Variants in KATNIP observed in about 807,000 individuals in gnomAD.
KATNIP encodes the protein katanin-interacting protein.
A neutral mutation model predicts 174.0 loss-of-function variants in KATNIP; 126 were observed. The ratio of observed to expected loss-of-function variants is 0.72; its 90% CI spans 0.63 to 0.84. The LOEUF (loss-of-function observed/expected upper bound fraction) is 0.84, where lower values mean the gene tolerates loss of function less well. Ranked by LOEUF, KATNIP falls within the 40% of genes least tolerant of loss-of-function variation. KATNIP has a pLI of 0.00. For synonymous variants in KATNIP, 810 were observed against 835.7 expected (o/e 0.97, Z 0.53); for missense variants, 1,958 against 2,109.7 (o/e 0.93, Z 1.41).
chr16:27,656,971 G>T (rs2077315762), intron 6 of KATNIP, among the ~76,000 whole-genome samples: 1 of 151,844 alleles, frequency 6.6e-6, no homozygotes, highest in South Asian at 2.1e-4. Flanking sequence ...CACAATAAAG[G>T]CAGTGTGATG....
At chr16:27,763,600 G>A (rs1229013349) in intron 19 of KATNIP, among the ~76,000 whole-genome samples, 1 of 144,856 alleles carries the variant, frequency 6.9e-6, no homozygotes, top group Non-Finnish European at 1.5e-5. Context: ...GGGCAACAGA[G>A]CGGGACCCTG....
chr16:27,617,000 G>A (rs184258191), intron 2 of KATNIP, among the ~76,000 whole-genome samples: 4 of 150,126 alleles, frequency 2.7e-5, no homozygotes, highest in Admixed American at 6.7e-5. Context: ...AAAAGCACCC[G>A]GAGGAAGATA....
At chr16:27,764,819 CTCAG>C (rs2082069084) in intron 19 of KATNIP, among the ~76,000 whole-genome samples, 1 of 152,168 alleles carries the variant, frequency 6.6e-6, no homozygotes, top group Admixed American at 6.5e-5. Context: ...AGTGGTCATC[CTCAG>C]TCAGCTTAGT....
chr16:27,594,495 T>G (rs2075276650), intron 2 of KATNIP, among the ~76,000 whole-genome samples: 1 of 152,036 alleles, frequency 6.6e-6, no homozygotes, highest in African/African-American at 2.4e-5. Flanking sequence ...TACTTATTTC[T>G]TTGGTGACTT....
At chr16:27,653,049 T>C (rs1404584496) in intron 6 of KATNIP, among the ~76,000 whole-genome samples, 2 of 152,060 alleles carry the variant, frequency 1.3e-5, no homozygotes, top group Non-Finnish European at 2.9e-5. Flanking sequence ...CAAAAGTCCT[T>C]TCATAATCCC....
intron 5 of KATNIP, 26 bp downstream of exon 5, chr16:27,631,188 C>T (rs375338742): frequency 4.1e-5 from 62 of 1,510,344 alleles, no homozygotes; most frequent in South Asian, 1.3e-4. Context: ...CCCCAGCCCA[C>T]GCTTTAGAAT....
At chr16:27,563,931 G>A (rs1264588673) in intron 1 of KATNIP, among the ~76,000 whole-genome samples, 4 of 148,334 alleles carry the variant, frequency 2.7e-5, no homozygotes, top group Non-Finnish European at 1.5e-5. Flanking sequence ...GGCCATGATG[G>A]CACATACCTG....
At chr16:27,647,984 A>G (rs947257616) in intron 5 of KATNIP, among the ~76,000 whole-genome samples, 1 of 152,108 alleles carries the variant, frequency 6.6e-6, no homozygotes, top group Non-Finnish European at 1.5e-5. Context: ...AGCACCTACT[A>G]GAAGTCTACT....
chr16:27,597,211 A>G (rs2075362244), intron 2 of KATNIP, among the ~76,000 whole-genome samples: 1 of 151,832 alleles, frequency 6.6e-6, no homozygotes, highest in Non-Finnish European at 1.5e-5. Context: ...AAATAATATA[A>G]AAATTGTCAC....
chr16:27,556,030 A>G (rs950126167), intron 1 of KATNIP, among the ~76,000 whole-genome samples: 2 of 151,420 alleles, frequency 1.3e-5, no homozygotes, highest in Non-Finnish European at 2.9e-5. Flanking sequence ...CGGGAGGCTG[A>G]GGCAGAGAAT....
chr16:27,777,640 G>A lies in KATNIP; in HGVS notation c.4582G>A (p.Gly1528Arg). Reference sequence around the variant, plus strand: ...GGTGGACGACCTGCTTGTGTACAATGGGATCCTGGCCATGGTGAGCCACCT... The same window carrying A: ...GGTGGACGACCTGCTTGTGTACAATAGGATCCTGGCCATGGTGAGCCACCT... ...LLVDDLLVYN[G>R]ILAMVSHLVG... The change falls in exon 26 of 28, where the codon GGG becomes AGG. Residue 1528 changes from glycine (G) to arginine (R), a missense_variant. Around this residue, in one of 3 missense-constraint regions of KATNIP, gnomAD observed 383 missense variants for 456.0 expected, o/e 0.84. Transcript: ENST00000261588. This position sits in a 1 kb window ranked among gnomAD's most constrained non-coding sequence, Gnocchi z 4.4. 5 of 1,613,310 alleles carry A rather than the reference G, an allele frequency of 3.1e-6. No individual in the cohort carries two copies. Among genetic ancestry groups the A allele is most frequent in the Non-Finnish European group, 4.2e-6 (5 of 1,179,666 alleles).
chr16:27,603,482 G>A (rs969063967), intron 2 of KATNIP, among the ~76,000 whole-genome samples: 1 of 152,126 alleles, frequency 6.6e-6, no homozygotes, highest in Non-Finnish European at 1.5e-5. Flanking sequence ...TCTTACAAAG[G>A]TGATTTTACC....
intron 2 of KATNIP, among the ~76,000 whole-genome samples, chr16:27,598,480 C>T (rs904103491): frequency 6.6e-6 from 1 of 152,148 alleles, no homozygotes; most frequent in African/African-American, 2.4e-5. Context: ...AAGGAAGACT[C>T]AGGAGTTAAG....
At chr16:27,714,353 G>A (rs148452073) in intron 13 of KATNIP, among the ~76,000 whole-genome samples, 2,272 of 152,118 alleles carry the variant, frequency 0.015, 23 homozygotes, top group Non-Finnish European at 0.025. Flanking sequence ...ATAAAAATGT[G>A]CCATATATAT....
chr16:27,736,899 C>T (rs113321171), intron 14 of KATNIP, among the ~76,000 whole-genome samples: 9 of 152,142 alleles, frequency 5.9e-5, no homozygotes, highest in South Asian at 2.1e-4. Context: ...GCAGCACACG[C>T]GGGCAAGGAG....
chr16:27,638,835 ATTTTTT>A (rs35773237), intron 5 of KATNIP, among the ~76,000 whole-genome samples: 2 of 110,812 alleles, frequency 1.8e-5, no homozygotes, highest in Non-Finnish European at 3.5e-5. Flanking sequence ...GTCTTGCTGG[ATTTTTT>A]TTTTTTTTTT....
In KATNIP at chr16:27,740,353, A is replaced by G; in HGVS notation, c.2056A>G (p.Asn686Asp). 6.2e-7 allele frequency: 1 copy of G among 1,614,250 alleles called. No individual in the cohort carries two copies. The highest frequency in any genetic ancestry group is 1.3e-5 in the African/African-American group (1 of 75,068). The change falls in exon 15 of 28, where the codon AAT (asparagine) becomes GAT (aspartate). Residue 686 changes from asparagine to aspartate, a missense_variant. Asn to Asp is a conservative substitution (Grantham distance 23). This residue lies in a region of KATNIP where 1,557 missense variants were observed against 1,617.8 expected (regional missense o/e 0.96). Coordinates refer to ENST00000261588, the MANE Select transcript of KATNIP (RefSeq NM_015202.5). Reference protein sequence around the residue: ...NVSGKRKNSTNCRKDSLSQLE... With the variant: ...NVSGKRKNSTDCRKDSLSQLE... ...GTCTGGCAAAAGAAAGAATTCTACTAATTGCAGGAAAGACAGTTTGTCCCA... is the reference window on the plus strand; with the variant it reads ...GTCTGGCAAAAGAAAGAATTCTACTGATTGCAGGAAAGACAGTTTGTCCCA...
intron 6 of KATNIP, chr16:27,669,310 C>G (rs544246357): frequency 1.0e-6 from 1 of 985,388 alleles, no homozygotes; most frequent in Non-Finnish European, 1.2e-6. Context: ...CCTCCACCTT[C>G]TCCCTGGATC....
chr16:27,632,734 G>A, intron 5 of KATNIP: 1 of 409,044 alleles, frequency 2.4e-6, no homozygotes, highest in Non-Finnish European at 5.0e-6. Context: ...TCTTTGAAAA[G>A]GGCTGATTTC....
Sources: allele counts gnomAD v4.1 joint callset (sites outside exome capture counted in the v4.1 genomes callset), GRCh38; gene constraint gnomAD v4.1.1; regional missense constraint gnomAD v4.1.1; non-coding constraint Gnocchi (gnomAD v3.1); transcripts MANE v1.5; gene names NCBI Gene and HGNC (gene_info 2026-07-23, HGNC 2026-07-21).